Variants in GALNT18 observed in about 807,000 individuals in gnomAD.
GALNT18 encodes the protein GalNAc-transferase 18.
Under a neutral mutation model 69.5 loss-of-function variants are expected in GALNT18, and 44 were observed. The observed-to-expected ratio is 0.63, with a 90% CI of 0.50 to 0.81. The LOEUF (loss-of-function observed/expected upper bound fraction) is 0.81, where lower values mean the gene tolerates loss of function less well. Among genes scored for constraint, GALNT18 ranks in the 40% least tolerant of loss-of-function variants. The probability of loss-of-function intolerance (pLI) is 0.00; values close to 1 mark genes in which losing one functional copy is unlikely to be tolerated. For synonymous variants in GALNT18, 364 were observed against 318.2 expected, an observed-to-expected ratio of 1.14 and a Z score of -1.53; for missense variants, 715 against 810.0, an observed-to-expected ratio of 0.88 and a Z score of 1.42.
intron 1 of GALNT18, among the ~76,000 whole-genome samples, chr11:11,539,417 C>T (rs1039938401): frequency 6.6e-6 from 1 of 152,204 alleles, no homozygotes; most frequent in African/African-American, 2.4e-5. Flanking sequence ...GTGAGCAGGT[C>T]GCTTTCCTTT....
In GALNT18 at chr11:11,448,785, G is replaced by A. The variant is rs774858488; in HGVS notation, c.387C>T (p.Arg129=). ...CAGGCAGGGGCCGGTCCAGGGGCAG[G>A]CGGTCGCTGAGGTAGGCGTTGTAGC... ...YYGYNAYLSD[R]LPLDRPLPDL... The change falls in exon 2 of 11, where the codon CGC becomes CGT. Residue 129 remains arginine, a synonymous_variant. Transcript: ENST00000227756. 2 of 1,613,002 alleles carry A rather than the reference G, an allele frequency of 1.2e-6. No individual in the cohort carries two copies. Among genetic ancestry groups the A allele is most frequent in the Admixed American group, 3.3e-5 (2 of 60,018 alleles).
intron 3 of GALNT18, among the ~76,000 whole-genome samples, chr11:11,390,198 C>T (rs1368458608): frequency 6.6e-6 from 1 of 152,174 alleles, no homozygotes; most frequent in Non-Finnish European, 1.5e-5. Context: ...GGTCAAACAT[C>T]CTGGTCCAGC....
chr11:11,463,205 GACAGAC>G lies in GALNT18; in HGVS notation c.236-14275_236-14270del, dbSNP rs1038157984. ...ATGGACATACACACTCAGACAGACA[GACAGAC>G]ACACACACACACACAGAGAGAGAGA... is the stretch of plus-strand genomic sequence containing the variant. On this transcript the variant is annotated intron_variant, in intron 1 of 10. Coordinates refer to ENST00000227756, the MANE Select transcript of GALNT18 (RefSeq NM_198516.3). This position sits in a 1 kb window ranked among gnomAD's most constrained non-coding sequence, Gnocchi z 4.2. 7.9e-5 allele frequency among the ~76,000 whole-genome samples: 8 copies of G among 100,730 alleles called. No homozygotes were observed. Among genetic ancestry groups the G allele is most frequent in the South Asian group, 4.5e-4 (1 of 2,244 alleles). 66.1% of individuals were successfully genotyped at this position (100,730 alleles called of 152,430 possible).
intron 6 of GALNT18, among the ~76,000 whole-genome samples, chr11:11,362,566 C>T (rs962988543): frequency 6.6e-6 from 1 of 152,080 alleles, no homozygotes; most frequent in African/African-American, 2.4e-5. Flanking sequence ...TGCAAATAGC[C>T]TTAATCATAT....
chr11:11,414,543 G>A (rs1318034644), intron 3 of GALNT18, among the ~76,000 whole-genome samples: 1 of 152,128 alleles, frequency 6.6e-6, no homozygotes, highest in Non-Finnish European at 1.5e-5. Context: ...TTAAAGCTCA[G>A]AGGGGCCTTC....
In GALNT18 at chr11:11,621,752, C is replaced by A; in HGVS notation, c.-159G>T. ...AAGCCCGGTCCGCTGCCGGTGTAGC[C>A]GCCGTGCCCAAGTTTGCAGCTCCTG... On this transcript the variant is annotated 5_prime_UTR_variant, in exon 1 of 11. Transcript: ENST00000227756. The surrounding 1 kb of genome is among the most constrained non-coding windows in gnomAD (Gnocchi z 9.3). 1.6e-6 allele frequency: 1 copy of A among 610,080 alleles called. No homozygotes were observed. The highest frequency in any genetic ancestry group is 2.9e-6 in the Non-Finnish European group (1 of 346,474). The allele number at this position is 610,080 out of a possible 1,614,324, so 37.8% of individuals were successfully genotyped here.
At chr11:11,280,310 A>C (rs1311419566) in intron 10 of GALNT18, among the ~76,000 whole-genome samples, 1 of 152,172 alleles carries the variant, frequency 6.6e-6, no homozygotes, top group Non-Finnish European at 1.5e-5. Context: ...GGGCCCTGGA[A>C]TCCCCATGCT....
At position 11,309,966 on chromosome 11, in the gene GALNT18, T is replaced by C. The variant is rs1286209690; in HGVS notation, c.1513-16773A>G. Among the ~76,000 whole-genome samples, 1 of 150,416 alleles carries C rather than the reference T, an allele frequency of 6.6e-6. No homozygotes were observed. The highest frequency in any genetic ancestry group is 1.5e-5 in the Non-Finnish European group (1 of 66,916). ...CTCTACTTATTTCTTCCCTTCAGTC[T>C]CAAAACATGTTCCCTTATTGCTTTC... is the stretch of plus-strand genomic sequence containing the variant. On this transcript the variant is annotated intron_variant, in intron 9 of 10. Transcript: ENST00000227756. The surrounding 1 kb of genome is among the most constrained non-coding windows in gnomAD (Gnocchi z 4.6).
rs1162113192 is a variant in GALNT18 at position 11,598,309 on chromosome 11, G to T, written c.235+23050C>A. On this transcript the variant is annotated intron_variant, in intron 1 of 10. Coordinates refer to ENST00000227756, the MANE Select transcript of GALNT18 (RefSeq NM_198516.3). The surrounding 1 kb of genome is among the most constrained non-coding windows in gnomAD (Gnocchi z 4.8). ...AACTTATTCTCTAACAATTCTGGAG[G>T]CCAGAAGTCCAAAATTAGTCTTACT... 1.3e-5 allele frequency among the ~76,000 whole-genome samples: 2 copies of T among 152,072 alleles called. No individual in the cohort carries two copies. Among genetic ancestry groups the T allele is most frequent in the African/African-American group, 4.8e-5 (2 of 41,390 alleles).
intron 10 of GALNT18, among the ~76,000 whole-genome samples, chr11:11,283,254 C>T (rs1849121391): frequency 6.6e-6 from 1 of 152,148 alleles, no homozygotes; most frequent in Non-Finnish European, 1.5e-5. Flanking sequence ...TCAAGTGATT[C>T]TCCCGCCTCA....
In GALNT18 at chr11:11,618,342, C is replaced by T. The variant is rs180733001; in HGVS notation, c.235+3017G>A. Among the ~76,000 whole-genome samples, 46 of 152,352 alleles carry T rather than the reference C, an allele frequency of 3.0e-4. No individual in the cohort carries two copies. In the East Asian group the frequency reaches 7.3e-3, roughly 24 times the overall value. On this transcript the variant is annotated intron_variant, in intron 1 of 10. Transcript: ENST00000227756. This position sits in a 1 kb window ranked among gnomAD's most constrained non-coding sequence, Gnocchi z 6.1. ...GCATCAGCACTCATCCATTCATCCA[C>T]GCTTCCACCCCACAGCTACTTTCTG... is the stretch of plus-strand genomic sequence containing the variant.
intron 10 of GALNT18, among the ~76,000 whole-genome samples, chr11:11,275,895 T>TCTGTTTTGGTACCAGTACCATG (rs1848934295): frequency 6.6e-6 from 1 of 152,234 alleles, no homozygotes. Flanking sequence ...GGTCTATCTC[T>TCTGTTTTGGTACCAGTACCATG]CTGTTTTGGT....
At position 11,540,006 on chromosome 11, in the gene GALNT18, G is replaced by A. The variant is rs901272925; in HGVS notation, c.235+81353C>T. 2.6e-5 allele frequency among the ~76,000 whole-genome samples: 4 copies of A among 152,170 alleles called. No homozygotes were observed. Among genetic ancestry groups the A allele is most frequent in the Non-Finnish European group, 4.4e-5 (3 of 68,030 alleles). ...GTACCAATGGGAAATGAGGGGAGAC[G>A]GAGCTGCACAGGGGACCCCGATGCC... On this transcript the variant is annotated intron_variant, in intron 1 of 10. Transcript: ENST00000227756. The surrounding 1 kb of genome is among the most constrained non-coding windows in gnomAD (Gnocchi z 4.6).
chr11:11,282,675 C>T (rs1156702774), intron 10 of GALNT18, among the ~76,000 whole-genome samples: 1 of 152,154 alleles, frequency 6.6e-6, no homozygotes, highest in Non-Finnish European at 1.5e-5. Flanking sequence ...GGAGAAGGAT[C>T]ACCTCAACGA....
At chr11:11,580,862 G>A (rs1193509755) in intron 1 of GALNT18, among the ~76,000 whole-genome samples, 2 of 152,200 alleles carry the variant, frequency 1.3e-5, no homozygotes, top group Admixed American at 1.3e-4. Context: ...AGGATCCAGG[G>A]TTATTTCTAA....
intron 1 of GALNT18, among the ~76,000 whole-genome samples, chr11:11,488,759 G>A (rs1856695795): frequency 6.6e-6 from 1 of 152,094 alleles, no homozygotes; most frequent in African/African-American, 2.4e-5. Flanking sequence ...AAGAGTGAGA[G>A]GGCCACTTCC....
rs1037484245 is a variant in GALNT18, at chr11:11,582,998, A to G, written c.235+38361T>C. On this transcript the variant is annotated intron_variant, in intron 1 of 10. Coordinates refer to ENST00000227756, the MANE Select transcript of GALNT18 (RefSeq NM_198516.3). The surrounding 1 kb of genome is among the most constrained non-coding windows in gnomAD (Gnocchi z 5.0). ...TCCTATTATCCCCCATGCTATTTTTATATCCCAAAATGAGAGGCATGGGAC... is the reference window on the plus strand; with the variant it reads ...TCCTATTATCCCCCATGCTATTTTTGTATCCCAAAATGAGAGGCATGGGAC... Among the ~76,000 whole-genome samples, 1 of 151,884 alleles carries G rather than the reference A, an allele frequency of 6.6e-6. No individual in the cohort carries two copies. Among genetic ancestry groups the G allele is most frequent in the Non-Finnish European group, 1.5e-5 (1 of 68,030 alleles).
chr11:11,604,984 A>T lies in GALNT18; in HGVS notation c.235+16375T>A, dbSNP rs2072111327. On this transcript the variant is annotated intron_variant, in intron 1 of 10. Coordinates refer to ENST00000227756, the MANE Select transcript of GALNT18 (RefSeq NM_198516.3). This position sits in a 1 kb window ranked among gnomAD's most constrained non-coding sequence, Gnocchi z 5.6. ...AATGGAATAGTCCTTTTTAAATGACATTTTCAATTTTTCCCCTATGTCTAC... is the reference window on the plus strand; with the variant it reads ...AATGGAATAGTCCTTTTTAAATGACTTTTTCAATTTTTCCCCTATGTCTAC... Among the ~76,000 whole-genome samples, 1 of 152,152 alleles carries T rather than the reference A, an allele frequency of 6.6e-6. No homozygotes were observed. The highest frequency in any genetic ancestry group is 2.1e-4 in the South Asian group (1 of 4,824).
intron 10 of GALNT18, among the ~76,000 whole-genome samples, chr11:11,277,819 G>T (rs1406224251): frequency 6.6e-6 from 1 of 152,224 alleles, no homozygotes; most frequent in East Asian, 1.9e-4. Context: ...TTTTGAGGGA[G>T]TTTCTTAATC....
Sources: allele counts gnomAD v4.1 joint callset (sites outside exome capture counted in the v4.1 genomes callset), GRCh38; gene constraint gnomAD v4.1.1; non-coding constraint Gnocchi (gnomAD v3.1); transcripts MANE v1.5; gene names NCBI Gene and HGNC (gene_info 2026-07-23, HGNC 2026-07-21).